The following ITCH variants were observed in gnomAD, a reference collection of about 807,000 sequenced individuals.
The protein encoded by ITCH is E3 ubiquitin-protein ligase Itchy homolog.
ITCH carries 28 observed loss-of-function variants against 126.8 expected under a neutral mutation model. That is an observed-to-expected ratio of 0.22 (90% CI 0.16 to 0.30). The LOEUF (loss-of-function observed/expected upper bound fraction) is 0.30, where lower values mean the gene tolerates loss of function less well. Among genes scored for constraint, ITCH ranks in the 10% least tolerant of loss-of-function variants. The pLI is 1.00. For synonymous variants in ITCH, 342 were observed against 340.0 expected, an observed-to-expected ratio of 1.01 and a Z score of -0.06; for missense variants, 631 against 1,032.4, an observed-to-expected ratio of 0.61 and a Z score of 5.33.
chr20:34,492,686 AAGAC>A, intron 23 of ITCH, 89 bp downstream of exon 23: 1 of 859,218 alleles, frequency 1.2e-6, no homozygotes, highest in Non-Finnish European at 2.0e-6. Context: ...AGAAACAACA[AAGAC>A]AGGGATAGCC....
At chr20:34,468,444 A>G (rs114430489) in intron 14 of ITCH, among the ~76,000 whole-genome samples, 82 of 152,248 alleles carry the variant, frequency 5.4e-4, no homozygotes, top group African/African-American at 1.6e-3. Flanking sequence ...ATCTACTGTC[A>G]TTACTTCATT....
At chr20:34,407,818 C>T (rs899732744) in intron 3 of ITCH, among the ~76,000 whole-genome samples, 12 of 152,166 alleles carry the variant, frequency 7.9e-5, no homozygotes, top group African/African-American at 2.9e-4. Context: ...GCCTGTTTTT[C>T]ATCATAAATA....
intron 3 of ITCH, among the ~76,000 whole-genome samples, chr20:34,394,117 C>T (rs1043175891): frequency 2.8e-5 from 4 of 144,872 alleles, no homozygotes; most frequent in East Asian, 2.1e-4. Flanking sequence ...GAGGCTGAGG[C>T]GTGAGAATCA....
chr20:34,415,661 G>A (rs1026313614), intron 6 of ITCH, among the ~76,000 whole-genome samples: 1 of 152,140 alleles, frequency 6.6e-6, no homozygotes, highest in Non-Finnish European at 1.5e-5. Context: ...ATTTGGAGTT[G>A]ACACTTTGAT....
chr20:34,418,757 CTTT>C lies in ITCH; in HGVS notation c.475+4895_475+4897del, dbSNP rs373974620. ...TCCTTTCTTTCTTTTTCTTTTTTTC[CTTT>C]TTTTTTTTTTTTTTTTGTGAGACGG... is the stretch of plus-strand genomic sequence containing the variant. On this transcript the variant is annotated intron_variant, in intron 6 of 24. Coordinates refer to ENST00000374864, the MANE Select transcript of ITCH (RefSeq NM_031483.7). Among the ~76,000 whole-genome samples the C allele has an allele frequency of 3.2e-3, 378 of 116,500 alleles. 1 individual carries two copies. The highest frequency in any genetic ancestry group is 4.9e-3 in the Non-Finnish European group (292 of 59,156). The allele number at this position is 116,500 out of a possible 152,430, so 76.4% of individuals were successfully genotyped here.
At chr20:34,440,406 A>T (rs979856275) in intron 9 of ITCH, 62 bp downstream of exon 9, 1 of 1,205,608 alleles carries the variant, frequency 8.3e-7, no homozygotes. Flanking sequence ...CTACTTATTA[A>T]TAAGGAAAAT....
intron 7 of ITCH, among the ~76,000 whole-genome samples, chr20:34,425,708 A>G (rs1320817266): frequency 6.6e-6 from 1 of 152,218 alleles, no homozygotes; most frequent in Non-Finnish European, 1.5e-5. Context: ...GAACGTATTC[A>G]TGATACAGAT....
chr20:34,487,392 G>A (rs1217098326), intron 20 of ITCH, among the ~76,000 whole-genome samples: 6 of 152,080 alleles, frequency 3.9e-5, no homozygotes, highest in Non-Finnish European at 8.8e-5. Context: ...TTACTGATTT[G>A]GTTGGACTTT....
chr20:34,363,877 T>G (rs904677103), intron 1 of ITCH, among the ~76,000 whole-genome samples: 10 of 152,044 alleles, frequency 6.6e-5, no homozygotes, highest in South Asian at 4.1e-4. Flanking sequence ...CCCACTCGCC[T>G]CCTCCTTCCA....
Position 34,456,643 on chromosome 20 carries a change from A to T in ITCH, c.1211-747A>T, listed in dbSNP as rs1449286546. ...GTGAGACCTTGTCTCCAAAAAAAAA[A>T]ATATATATATATATATGTGTGTGTG... On this transcript the variant is annotated intron_variant, in intron 12 of 24. Transcript: ENST00000374864. Among the ~76,000 whole-genome samples the T allele has an allele frequency of 2.1e-3, 303 of 143,614 alleles. 1 individual carries two copies. The highest frequency in any genetic ancestry group is 4.6e-3 in the African/African-American group (177 of 38,356). 94.2% of individuals were successfully genotyped at this position (143,614 alleles called of 152,430 possible). A position where few individuals can be genotyped will look rare whatever the true frequency, so the allele number is the denominator to read the frequency against.
chr20:34,391,735 A>T (rs1195894410), intron 2 of ITCH, among the ~76,000 whole-genome samples: 2 of 152,174 alleles, frequency 1.3e-5, no homozygotes, highest in African/African-American at 4.8e-5. Flanking sequence ...GCACCTCACA[A>T]TTCTACCATA....
intron 2 of ITCH, among the ~76,000 whole-genome samples, chr20:34,372,876 A>G (rs2037693645): frequency 6.6e-6 from 1 of 152,206 alleles, no homozygotes; most frequent in African/African-American, 2.4e-5. Flanking sequence ...TGATTATTAT[A>G]AAAAGGAAGT....
At chr20:34,457,754 C>G (rs1392833552) in intron 13 of ITCH, among the ~76,000 whole-genome samples, 1 of 152,116 alleles carries the variant, frequency 6.6e-6, no homozygotes, top group African/African-American at 2.4e-5. Flanking sequence ...GCCAGGAAGA[C>G]CTGCGTAATG....
chr20:34,503,879 T>TTG, intron 23 of ITCH, among the ~76,000 whole-genome samples: 1 of 114,634 alleles, frequency 8.7e-6, no homozygotes, highest in Non-Finnish European at 1.9e-5. Context: ...GGTTTTTTTT[T>TTG]TTTTGGTTTT....
chr20:34,476,207 G>C (rs1376855088), intron 16 of ITCH: 1 of 801,116 alleles, frequency 1.2e-6, no homozygotes, highest in Non-Finnish European at 2.3e-6. Context: ...ACAACGTCTA[G>C]CAGAGAATCA....
chr20:34,421,073 A>G (rs1980699570), intron 6 of ITCH, among the ~76,000 whole-genome samples: 1 of 152,088 alleles, frequency 6.6e-6, no homozygotes, highest in Non-Finnish European at 1.5e-5. Context: ...CCAGTTTTTC[A>G]CATTTGCTCA....
intron 2 of ITCH, among the ~76,000 whole-genome samples, 176 bp from the exon 3 acceptor site, chr20:34,393,615 A>G (rs772210533): frequency 2.0e-5 from 3 of 152,216 alleles, no homozygotes; most frequent in Non-Finnish European, 2.9e-5. Flanking sequence ...ATGAACAGCC[A>G]TGTCAGATTT....
At chr20:34,465,096 A>G (rs1271501649) in intron 14 of ITCH, among the ~76,000 whole-genome samples, 1 of 152,324 alleles carries the variant, frequency 6.6e-6, no homozygotes, top group East Asian at 1.9e-4. Context: ...TAAGGGTCCA[A>G]CTTCATCTTT....
At chr20:34,436,184 C>G (rs1050945943) in intron 7 of ITCH, among the ~76,000 whole-genome samples, 1 of 152,156 alleles carries the variant, frequency 6.6e-6, no homozygotes, top group Non-Finnish European at 1.5e-5. Flanking sequence ...TTCCTTCTCC[C>G]TCACATATCC....
Sources: gnomAD v4.1 joint callset for allele counts (sites outside exome capture counted in the v4.1 genomes callset) on GRCh38, gnomAD v4.1.1 for gene constraint, MANE v1.5 for transcripts, NCBI Gene and HGNC (gene_info 2026-07-23, HGNC 2026-07-21) for gene names.